The following PDE1C variants were observed in gnomAD, a reference collection of about 807,000 sequenced individuals.
PDE1C encodes dual specificity calcium/calmodulin-dependent 3',5'-cyclic nucleotide phosphodiesterase 1C.
In PDE1C, 62 loss-of-function variants were observed where a neutral mutation model predicts 93.1. The ratio of observed to expected loss-of-function variants is 0.67; its 90% CI spans 0.54 to 0.82. The LOEUF (loss-of-function observed/expected upper bound fraction) is 0.82. PDE1C is among the 40% of genes least tolerant of loss of function. The pLI is 0.00. For synonymous variants in PDE1C, 325 were observed against 310.1 expected (o/e 1.05, Z -0.50); for missense variants, 742 against 884.6 (o/e 0.84, Z 2.04).
intron 2 of PDE1C, among the ~76,000 whole-genome samples, chr7:32,021,281 G>T (rs1788633505): frequency 6.6e-6 from 1 of 152,084 alleles, no homozygotes. Flanking sequence ...ATGAACTCTT[G>T]CAGACTCTAC....
At chr7:31,778,904 A>G (rs1477381045) in intron 16 of PDE1C, among the ~76,000 whole-genome samples, 2 of 152,206 alleles carry the variant, frequency 1.3e-5, no homozygotes, top group Non-Finnish European at 2.9e-5. Context: ...ACTTAAGTCA[A>G]GATCATTCAA....
chr7:32,157,224 T>A (rs1269700276), intron 3 of PDE1C, among the ~76,000 whole-genome samples: 2 of 152,100 alleles, frequency 1.3e-5, no homozygotes, highest in African/African-American at 2.4e-5. Flanking sequence ...TCAACCCCCC[T>A]CCCTATTTCA....
At chr7:32,375,468 C>A (rs1784417803) in intron 1 of PDE1C, among the ~76,000 whole-genome samples, 1 of 152,166 alleles carries the variant, frequency 6.6e-6, no homozygotes, top group African/African-American at 2.4e-5. Flanking sequence ...GGACATTTGG[C>A]AATGTCTGGA....
At chr7:32,411,580 T>A (rs71530589) in intron 1 of PDE1C, among the ~76,000 whole-genome samples, 7,422 of 152,280 alleles carry the variant, frequency 0.049, 237 homozygotes, top group Middle Eastern at 0.14. Flanking sequence ...TTGCTCTGGG[T>A]GAGTCAGTGA....
chr7:31,891,482 C>T (rs574442503), intron 2 of PDE1C, among the ~76,000 whole-genome samples: 1 of 152,182 alleles, frequency 6.6e-6, no homozygotes, highest in Non-Finnish European at 1.5e-5. Context: ...TCCTTTAAAA[C>T]TAAGAAACGT....
chr7:32,046,097 G>A (rs56317541), intron 2 of PDE1C, among the ~76,000 whole-genome samples: 6,924 of 152,010 alleles, frequency 0.046, 235 homozygotes, highest in Non-Finnish European at 0.072. Flanking sequence ...ACAGATAGAG[G>A]CCACACTATT....
chr7:32,016,383 A>C (rs1787910474), intron 2 of PDE1C, among the ~76,000 whole-genome samples: 1 of 152,226 alleles, frequency 6.6e-6, no homozygotes, highest in Non-Finnish European at 1.5e-5. Context: ...TATCAGAGTA[A>C]CCTATCAATT....
At chr7:31,871,512 G>T (rs985299905) in intron 6 of PDE1C, among the ~76,000 whole-genome samples, 1 of 151,708 alleles carries the variant, frequency 6.6e-6, no homozygotes, top group Non-Finnish European at 1.5e-5. Context: ...AAACAACTTG[G>T]TAAAAATAAC....
At chr7:32,361,273 A>G (rs1784132180) in intron 1 of PDE1C, among the ~76,000 whole-genome samples, 1 of 152,188 alleles carries the variant, frequency 6.6e-6, no homozygotes, top group Admixed American at 6.5e-5. Flanking sequence ...GTGCAAAGGC[A>G]GGATGCCCTA....
At chr7:31,739,954 T>C in the PDE1C span, among the ~76,000 whole-genome samples, 3 of 152,204 alleles carry the variant, frequency 2.0e-5, no homozygotes, top group Non-Finnish European at 4.4e-5. Flanking sequence ...TTTTTGACTT[T>C]ACTTTCTCTC....
At chr7:31,877,418 G>A (rs1796727463) in intron 5 of PDE1C, among the ~76,000 whole-genome samples, 1 of 152,036 alleles carries the variant, frequency 6.6e-6, no homozygotes, top group African/African-American at 2.4e-5. Flanking sequence ...AAAACAATGG[G>A]CTATATAGAT....
chr7:31,633,679 C>G, the PDE1C span, among the ~76,000 whole-genome samples: 1 of 152,230 alleles, frequency 6.6e-6, no homozygotes, highest in African/African-American at 2.4e-5. Context: ...TCCATTCCAA[C>G]TCTAGGCTAA....
chr7:31,798,326 G>C (rs891687930), intron 16 of PDE1C, among the ~76,000 whole-genome samples: 1 of 151,640 alleles, frequency 6.6e-6, no homozygotes, highest in African/African-American at 2.4e-5. Flanking sequence ...CCATTGTGTA[G>C]AGCTCTTCTA....
intron 1 of PDE1C, among the ~76,000 whole-genome samples, chr7:32,293,683 G>A (rs146419105): frequency 3.6e-4 from 55 of 152,206 alleles, no homozygotes; most frequent in South Asian, 6.2e-4. Flanking sequence ...GCAAGCCTCC[G>A]TTTGCAGACT....
chr7:32,017,285 G>A (rs892339355), intron 2 of PDE1C, among the ~76,000 whole-genome samples: 4 of 152,056 alleles, frequency 2.6e-5, no homozygotes, highest in African/African-American at 9.7e-5. Context: ...TGGGACAAGC[G>A]AACATCTGTA....
chr7:32,100,913 C>G (rs1364607523), intron 3 of PDE1C, among the ~76,000 whole-genome samples: 1 of 152,140 alleles, frequency 6.6e-6, no homozygotes, highest in Non-Finnish European at 1.5e-5. Context: ...TGATTCAATT[C>G]ACCATCACTT....
At chr7:31,629,164 C>G in the PDE1C span, among the ~76,000 whole-genome samples, 3 of 152,318 alleles carry the variant, frequency 2.0e-5, no homozygotes, top group Admixed American at 6.5e-5. Flanking sequence ...TGTCATTGCA[C>G]TCTTCCAGGA....
chr7:31,896,474 G>A (rs553312637), intron 2 of PDE1C, among the ~76,000 whole-genome samples: 109 of 152,226 alleles, frequency 7.2e-4, no homozygotes, highest in African/African-American at 2.5e-3. Flanking sequence ...AAAACTGACA[G>A]CTAGCCTTGT....
At chr7:31,832,183 G>A (rs575631093) in intron 11 of PDE1C, among the ~76,000 whole-genome samples, 8 of 152,174 alleles carry the variant, frequency 5.3e-5, no homozygotes, top group South Asian at 2.1e-4. Context: ...TCACCAACAC[G>A]TGTAATAAAT....
Sources: gnomAD v4.1 joint callset for allele counts (sites outside exome capture counted in the v4.1 genomes callset) on GRCh38, gnomAD v4.1.1 for gene constraint, MANE v1.5 for transcripts, NCBI Gene and HGNC (gene_info 2026-07-23, HGNC 2026-07-21) for gene names.